SLC22A14: variants seen among roughly 807,000 people sequenced by gnomAD.
The protein encoded by SLC22A14 is solute carrier family 22 member 14.
A neutral mutation model predicts 53.9 loss-of-function variants in SLC22A14; 50 were observed. The ratio of observed to expected loss-of-function variants is 0.93; its 90% CI spans 0.74 to 1.17. SLC22A14 has a LOEUF of 1.17. Ranked by LOEUF, SLC22A14 falls within the 50% of genes most tolerant of loss-of-function variation. The probability of loss-of-function intolerance (pLI) is 0.00; values close to 1 mark genes in which losing one functional copy is unlikely to be tolerated. For missense variants in SLC22A14, 671 were observed against 734.7 expected (o/e 0.91, Z 1.00); for synonymous variants, 312 against 303.0 (o/e 1.03, Z -0.31).
In SLC22A14 at chr3:38,307,228, G is replaced by A; in HGVS notation, c.517-26G>A. 1.3e-6 allele frequency: 2 copies of A among 1,555,162 alleles called. No individual in the cohort carries two copies. Among genetic ancestry groups the A allele is most frequent in the Non-Finnish European group, 1.8e-6 (2 of 1,126,270 alleles). On this transcript the variant is annotated intron_variant, in intron 2 of 10. Coordinates refer to ENST00000448498, the MANE Select transcript of SLC22A14 (RefSeq NM_001320033.2). The surrounding 1 kb of genome is among the most constrained non-coding windows in gnomAD (Gnocchi z 4.4). ...TCTGGACCCAAAGGTGGGCACCCGT[G>A]GCCAATCTCTGTGTCTGACCCACAG...
upstream of SLC22A14, among the ~76,000 whole-genome samples, chr3:38,281,878 A>G (rs747680484): frequency 6.6e-6 from 1 of 152,138 alleles, no homozygotes; most frequent in Non-Finnish European, 1.5e-5. Flanking sequence ...TGTTCCTGCA[A>G]TCTGGCAGAG....
Position 38,318,246 on chromosome 3 carries a change from C to G in SLC22A14, c.1782C>G (p.Val594=), listed in dbSNP as rs1360879608. The G allele has an allele frequency of 6.2e-7, 1 of 1,612,350 alleles. No homozygotes were observed. Among genetic ancestry groups the G allele is most frequent in the African/African-American group, 1.3e-5 (1 of 75,014 alleles). Residue 594 remains valine (V), a synonymous_variant, in exon 11 of 11, where the codon GTC becomes GTG. Coordinates refer to ENST00000448498, the MANE Select transcript of SLC22A14 (RefSeq NM_001320033.2). The part of the protein sequence containing the change: ...MKTKETSSDD[V] ...CTAAGGAAACATCATCTGATGATGT[C>G]TGAGGAAGCGGCCAAGAATGTCATT...
chr3:38,307,513 G>T lies in SLC22A14; in HGVS notation c.621-53G>T. On this transcript the variant is annotated intron_variant, in intron 3 of 10. Transcript: ENST00000448498. The surrounding 1 kb of genome is among the most constrained non-coding windows in gnomAD (Gnocchi z 4.4). ...GCCTGGCCCAGGTGTATCCGGCTGG[G>T]GCCAGCCCGGGAGATCCCGGCACTT... 6.2e-7 allele frequency: 1 copy of T among 1,603,598 alleles called. No homozygotes were observed.
At position 38,287,888 on chromosome 3, in the gene SLC22A14, T is replaced by C. The variant is rs77340831; in HGVS notation, c.-1+5549T>C. Among the ~76,000 whole-genome samples, 1,276 of 152,346 alleles carry C rather than the reference T, an allele frequency of 8.4e-3. 21 individuals carry two copies. The highest frequency in any genetic ancestry group is 0.028 in the African/African-American group (1,158 of 41,574). On this transcript the variant is annotated intron_variant, in intron 1 of 10. Transcript: ENST00000448498. ...ATATTTCTGTATGTTTTATCATTAT[T>C]TTACACATAGGTCTTGTGCATATTT...
chr3:38,288,043 G>A (rs1230012979), intron 1 of SLC22A14, among the ~76,000 whole-genome samples: 1 of 152,050 alleles, frequency 6.6e-6, no homozygotes, highest in Non-Finnish European at 1.5e-5. Context: ...TCCATCTCCG[G>A]AACGATTTCA....
intron 10 of SLC22A14, among the ~76,000 whole-genome samples, chr3:38,317,620 G>T (rs1380577929): frequency 6.6e-6 from 1 of 152,194 alleles, no homozygotes; most frequent in East Asian, 1.9e-4. Context: ...CAACTTCCTA[G>T]TGTGTGCACG....
Position 38,313,416 on chromosome 3 carries a change from G to A in SLC22A14, c.1094G>A (p.Arg365Gln), listed in dbSNP as rs754331881. The change falls in exon 7 of 11, where the codon CGG becomes CAG. Residue 365 changes from arginine to glutamine, a missense_variant. Coordinates refer to ENST00000448498, the MANE Select transcript of SLC22A14 (RefSeq NM_001320033.2). ...ELQLPRKKVT[R>Q]ASVLDFCKNR... is the part of the protein sequence containing the mutation. ...CAGCTGCCCAGAAAGAAGGTGACTC[G>A]GGCCTCTGTCCTGGACTTCTGTAAG... is the stretch of plus-strand genomic sequence containing the variant. 38 of 1,613,742 alleles carry A rather than the reference G, an allele frequency of 2.4e-5. No individual in the cohort carries two copies. The highest frequency in any genetic ancestry group is 3.1e-5 in the Non-Finnish European group (37 of 1,179,804).
chr3:38,308,715 G>A (rs538804928), intron 4 of SLC22A14, among the ~76,000 whole-genome samples: 1 of 152,362 alleles, frequency 6.6e-6, no homozygotes, highest in Non-Finnish European at 1.5e-5. Flanking sequence ...GAGCAGCCAG[G>A]TGGAGCGGGA....
In SLC22A14 at chr3:38,313,127, G is replaced by A. The variant is rs189659261; in HGVS notation, c.1065+8G>A. The A allele has an allele frequency of 8.0e-4, 1,294 of 1,610,408 alleles. 18 individuals are homozygous for A. In the East Asian group the frequency reaches 0.023, roughly 29 times the overall value. Reference sequence around the variant, plus strand: ...TCAAATCTGCTGGACGAGGTAAAGGGCTTCTGGCCAGGAGTGGGGCCGGAG... The same window carrying A: ...TCAAATCTGCTGGACGAGGTAAAGGACTTCTGGCCAGGAGTGGGGCCGGAG... On this transcript the variant is annotated splice_region_variant and intron_variant, in intron 6 of 10. Transcript: ENST00000448498.
At chr3:38,309,342 G>A (rs1223693967) in intron 5 of SLC22A14, among the ~76,000 whole-genome samples, 1 of 152,192 alleles carries the variant, frequency 6.6e-6, no homozygotes, top group Non-Finnish European at 1.5e-5. Context: ...ATGTTAGAGA[G>A]GTGGTCAGAA....
chr3:38,306,910 T>G (rs914359882), intron 2 of SLC22A14, among the ~76,000 whole-genome samples: 4 of 152,180 alleles, frequency 2.6e-5, no homozygotes, highest in Non-Finnish European at 5.9e-5. Flanking sequence ...TCTAGGCCCT[T>G]TACAACACAG....
At chr3:38,298,140 T>C (rs1704080442) in intron 1 of SLC22A14, among the ~76,000 whole-genome samples, 1 of 152,208 alleles carries the variant, frequency 6.6e-6, no homozygotes, top group Admixed American at 6.5e-5. Context: ...GCTAAAATTG[T>C]CCCAGATTTG....
Position 38,315,660 on chromosome 3 carries a change from C to G in SLC22A14, c.1481C>G (p.Thr494Ser). 1 of 1,614,140 alleles carries G rather than the reference C, an allele frequency of 6.2e-7. No individual in the cohort carries two copies. Among genetic ancestry groups the G allele is most frequent in the South Asian group, 1.1e-5 (1 of 91,084 alleles). Residue 494 changes from threonine to serine, a missense_variant, in exon 9 of 11, where the codon ACT becomes AGT. Physicochemically the swap from Thr to Ser is moderately conservative, Grantham distance 58. Coordinates refer to ENST00000448498, the MANE Select transcript of SLC22A14 (RefSeq NM_001320033.2). ...CTCAGAGAGTTCAGCCTGGCCGCCA[C>G]TGTCACTGTGTTCTTCCTCTACACC... is the stretch of plus-strand genomic sequence containing the variant. The part of the protein sequence containing the change: ...LMLREFSLAA[T>S]VTVFFLYTAE...
chr3:38,308,137 C>T (rs1308770094), intron 4 of SLC22A14: 1 of 125,668 alleles, frequency 8.0e-6, no homozygotes, highest in Non-Finnish European at 1.7e-5. Context: ...CAACAAAAAA[C>T]AGAAGAAGAA....
chr3:38,289,072 C>T (rs1703851500), intron 1 of SLC22A14, among the ~76,000 whole-genome samples: 1 of 147,884 alleles, frequency 6.8e-6, no homozygotes, highest in South Asian at 2.1e-4. Context: ...CATAGCTTCT[C>T]TGAAGGCTGA....
rs973752732 is a variant in SLC22A14, at chr3:38,318,132, A to G, written c.1734-66A>G. On this transcript the variant is annotated intron_variant, in intron 10 of 10. Coordinates refer to ENST00000448498, the MANE Select transcript of SLC22A14 (RefSeq NM_001320033.2). ...AGGGTTGGGCGCTGCTGAAGGCACA[A>G]GCCGCTGCTTTTCTCAGCTTCCAGA... is the stretch of plus-strand genomic sequence containing the variant. 7 of 1,484,742 alleles carry G rather than the reference A, an allele frequency of 4.7e-6. No homozygotes were observed. In the South Asian group the frequency reaches 7.9e-5, roughly 17 times the overall value. The allele number at this position is 1,484,742 out of a possible 1,614,324, so 92.0% of individuals were successfully genotyped here.
chr3:38,289,493 T>G (rs60716057), intron 1 of SLC22A14, among the ~76,000 whole-genome samples: 9,846 of 152,184 alleles, frequency 0.065, 380 homozygotes, highest in East Asian at 0.16. Context: ...GCAAGCCTCT[T>G]GTTCTCTGAC....
upstream of SLC22A14, among the ~76,000 whole-genome samples, chr3:38,279,533 G>A (rs1426447695): frequency 2.6e-5 from 4 of 152,226 alleles, no homozygotes; most frequent in Non-Finnish European, 1.5e-5. Context: ...CGCCCACCTC[G>A]GCCTCCCAAA....
chr3:38,296,728 T>G (rs149753), intron 1 of SLC22A14, among the ~76,000 whole-genome samples: 25,546 of 152,102 alleles, frequency 0.17, 2,731 homozygotes, highest in East Asian at 0.3. Flanking sequence ...TATTAGAAGC[T>G]GTGGGTCACA....
Sources: allele counts gnomAD v4.1 joint callset (sites outside exome capture counted in the v4.1 genomes callset), GRCh38; gene constraint gnomAD v4.1.1; non-coding constraint Gnocchi (gnomAD v3.1); transcripts MANE v1.5; gene names NCBI Gene and HGNC (gene_info 2026-07-23, HGNC 2026-07-21).